The following BCL2L11 variants were observed in gnomAD, a reference collection of about 807,000 sequenced individuals.
BCL2L11 encodes BCL2 like 11, also known as bcl-2-like protein 11.
A neutral mutation model predicts 20.6 loss-of-function variants in BCL2L11; 15 were observed. The ratio of observed to expected loss-of-function variants is 0.73; its 90% confidence interval spans 0.49 to 1.12. The LOEUF is 1.12. BCL2L11 is among the 50% of genes most tolerant of loss of function. BCL2L11 has a pLI of 0.00. For synonymous variants in BCL2L11, 108 were observed against 92.8 expected (o/e 1.16, Z -0.94); for missense variants, 292 against 260.9 (o/e 1.12, Z -0.82).
At chr2:111,129,177 C>T (rs568358958) in intron 2 of BCL2L11, among the ~76,000 whole-genome samples, 88 of 152,188 alleles carry the variant, frequency 5.8e-4, no homozygotes, top group Non-Finnish European at 9.8e-4. Context: ...ATGGTATATT[C>T]GGACTTCAAA....
At chr2:111,124,846 A>C (rs1419473081) in intron 2 of BCL2L11, among the ~76,000 whole-genome samples, 3 of 151,986 alleles carry the variant, frequency 2.0e-5, no homozygotes, top group African/African-American at 7.3e-5. Context: ...AAGCAGTACC[A>C]ACATAGAACC....
intron 1 of BCL2L11, chr2:111,123,150 G>A: frequency 1.0e-6 from 1 of 985,312 alleles, no homozygotes; most frequent in Non-Finnish European, 1.2e-6. Flanking sequence ...CGGGAGGGAG[G>A]GAGCACGGGC....
chr2:111,124,594 T>C (rs570205319), intron 2 of BCL2L11, among the ~76,000 whole-genome samples: 1 of 152,336 alleles, frequency 6.6e-6, no homozygotes, highest in East Asian at 1.9e-4. Flanking sequence ...ATGGCCCACA[T>C]CAACATTTTT....
chr2:111,120,973 TGCCGCTGCC>T lies in BCL2L11; in HGVS notation c.-223_-215del, dbSNP rs1022999321. ...GTTGGAGCTCTGCGTCCAGCGCCGCTGCCGCTGCCGCCGCCGCCGCCGCCGCCGCCGCCG... is the reference window on the plus strand; with the variant it reads ...GTTGGAGCTCTGCGTCCAGCGCCGCTGCCGCCGCCGCCGCCGCCGCCGCCG... On this transcript the variant is annotated 5_prime_UTR_variant, in exon 1 of 4. Coordinates refer to ENST00000393256, the MANE Select transcript of BCL2L11 (RefSeq NM_138621.5). 14 of 271,206 alleles carry T rather than the reference TGCCGCTGCC, an allele frequency of 5.2e-5. No homozygotes were observed. The highest frequency in any genetic ancestry group is 2.5e-4 in the African/African-American group (3 of 11,814). The allele number at this position is 271,206 out of a possible 1,614,324, so 16.8% of individuals were successfully genotyped here.
chr2:111,136,060 G>T (rs1575006082), intron 2 of BCL2L11, among the ~76,000 whole-genome samples: 1 of 152,266 alleles, frequency 6.6e-6, no homozygotes, highest in Non-Finnish European at 1.5e-5. Context: ...CTGGCCACGC[G>T]GTGCTGTGGG....
At chr2:111,122,566 G>T (rs1419181341) in intron 1 of BCL2L11, 6 of 976,272 alleles carry the variant, frequency 6.1e-6, no homozygotes, top group Non-Finnish European at 7.3e-6. Flanking sequence ...TTGGGAACGC[G>T]GGCACCCGGC....
chr2:111,149,096 G>T (rs998915336), intron 2 of BCL2L11, among the ~76,000 whole-genome samples: 4 of 152,176 alleles, frequency 2.6e-5, no homozygotes, highest in African/African-American at 7.2e-5. Context: ...GGAAATCCAA[G>T]AATTTTATCT....
rs1489588830 is a variant in BCL2L11 at position 111,166,868 on chromosome 2, TGTGA to T, written c.*2640_*2643del. On this transcript the variant is annotated 3_prime_UTR_variant, in exon 4 of 4. Coordinates refer to ENST00000393256, the MANE Select transcript of BCL2L11 (RefSeq NM_138621.5). ...CGTTTCCCCTTCTTAATGTATATAT[TGTGA>T]GTATTTATTAGATTCGTAGGTCATA... 3 of 152,760 alleles carry T rather than the reference TGTGA, an allele frequency of 2.0e-5. No homozygotes were observed. The highest frequency in any genetic ancestry group is 1.9e-4 in the East Asian group (1 of 5,180). The allele number at this position is 152,760 out of a possible 1,614,324, so 9.5% of individuals were successfully genotyped here. A position where few individuals can be genotyped will look rare whatever the true frequency, so the allele number is the denominator to read the frequency against.
At chr2:111,155,683 GCTAA>G (rs1351042711) in intron 3 of BCL2L11, among the ~76,000 whole-genome samples, 2 of 152,296 alleles carry the variant, frequency 1.3e-5, no homozygotes, top group South Asian at 2.1e-4. Context: ...ACTGCTCTTG[GCTAA>G]CTGTGACCTG....
At chr2:111,142,013 A>G (rs1042151008) in intron 2 of BCL2L11, among the ~76,000 whole-genome samples, 5 of 152,146 alleles carry the variant, frequency 3.3e-5, no homozygotes, top group Non-Finnish European at 7.4e-5. Flanking sequence ...AACAATCCCA[A>G]TTCTATCTGT....
chr2:111,156,770 C>A (rs2077916613), intron 3 of BCL2L11, among the ~76,000 whole-genome samples: 1 of 152,170 alleles, frequency 6.6e-6, no homozygotes, highest in Non-Finnish European at 1.5e-5. Context: ...ATTGTCTGGT[C>A]TATCCCTTAG....
At chr2:111,148,380 TAA>T (rs2076834485) in intron 2 of BCL2L11, among the ~76,000 whole-genome samples, 1 of 152,160 alleles carries the variant, frequency 6.6e-6, no homozygotes, top group South Asian at 2.1e-4. Flanking sequence ...AAAGAACACT[TAA>T]AAAGAGTAGC....
intron 2 of BCL2L11, among the ~76,000 whole-genome samples, chr2:111,127,096 TCCTCAATTTTAGTCTCCTTACAC>T (rs1295547656): frequency 1.3e-5 from 2 of 152,302 alleles, no homozygotes; most frequent in East Asian, 3.9e-4. Context: ...TTTTCACTTT[TCCTCAATTTTAGTCTCCTTACAC>T]TCTGGGAGGA....
chr2:111,144,752 A>G (rs2076279012), intron 2 of BCL2L11, among the ~76,000 whole-genome samples: 1 of 152,082 alleles, frequency 6.6e-6, no homozygotes, highest in African/African-American at 2.4e-5. Flanking sequence ...TATCTCTTGG[A>G]ATTGGTTTAA....
At chr2:111,150,892 TTGTTTGTTTGTTTGTG>T (rs959833166) in intron 3 of BCL2L11, among the ~76,000 whole-genome samples, 1 of 120,478 alleles carries the variant, frequency 8.3e-6, no homozygotes, top group Admixed American at 7.4e-5. Flanking sequence ...TTTTGTTTGT[TTGTTTGTTTGTTTGTG>T]TGTGTGTTTG....
At chr2:111,149,214 C>CA (rs774732800) in intron 2 of BCL2L11, among the ~76,000 whole-genome samples, 2 of 152,150 alleles carry the variant, frequency 1.3e-5, no homozygotes, top group East Asian at 3.8e-4. Flanking sequence ...TTTGACAACT[C>CA]ACATTTTTGT....
At chr2:111,133,453 A>T (rs2074307865) in intron 2 of BCL2L11, among the ~76,000 whole-genome samples, 1 of 152,130 alleles carries the variant, frequency 6.6e-6, no homozygotes, top group Non-Finnish European at 1.5e-5. Flanking sequence ...CTGTCTATAT[A>T]TTTTTAAATT....
At chr2:111,158,605 A>G (rs1261398962) in intron 3 of BCL2L11, among the ~76,000 whole-genome samples, 1 of 151,996 alleles carries the variant, frequency 6.6e-6, no homozygotes, top group African/African-American at 2.4e-5. Flanking sequence ...AGGACATCCT[A>G]TACATTTACT....
At chr2:111,135,518 C>G (rs1171459499) in intron 2 of BCL2L11, among the ~76,000 whole-genome samples, 1 of 151,932 alleles carries the variant, frequency 6.6e-6, no homozygotes, top group Non-Finnish European at 1.5e-5. Flanking sequence ...CAGCTTCCCT[C>G]TGAGGGAAGC....
Sources: gnomAD v4.1 joint callset for allele counts (sites outside exome capture counted in the v4.1 genomes callset) on GRCh38, gnomAD v4.1.1 for gene constraint, MANE v1.5 for transcripts, NCBI Gene and HGNC (gene_info 2026-07-23, HGNC 2026-07-21) for gene names.